KYAT3: variants seen among roughly 807,000 people sequenced by gnomAD.
The protein encoded by KYAT3 is kynurenine aminotransferase 3.
In KYAT3, 50 loss-of-function variants were observed where a neutral mutation model predicts 59.0. The observed-to-expected ratio is 0.85, with a 90% CI of 0.68 to 1.07. KYAT3 has a LOEUF of 1.07. KYAT3 is among the 50% of genes least tolerant of loss of function. The pLI is 0.00. For missense variants in KYAT3, 497 were observed against 533.3 expected, an observed-to-expected ratio of 0.93 and a Z score of 0.67; for synonymous variants, 148 against 177.0, an observed-to-expected ratio of 0.84 and a Z score of 1.30.
intron 1 of KYAT3, among the ~76,000 whole-genome samples, chr1:88,992,113 G>A (rs1677837858): frequency 6.6e-6 from 1 of 151,898 alleles, no homozygotes; most frequent in Non-Finnish European, 1.5e-5. Context: ...CGAGTAGCTG[G>A]GACTACAGGC....
chr1:88,954,161 G>C (rs1034535592), intron 9 of KYAT3, among the ~76,000 whole-genome samples: 2 of 152,058 alleles, frequency 1.3e-5, no homozygotes, highest in Non-Finnish European at 2.9e-5. Flanking sequence ...GCCTCCCAAA[G>C]TGCTGGGATT....
chr1:88,952,853 T>C (rs1419228607), intron 10 of KYAT3, among the ~76,000 whole-genome samples: 1 of 152,184 alleles, frequency 6.6e-6, no homozygotes, highest in African/African-American at 2.4e-5. Flanking sequence ...CTGCCAGCAA[T>C]GTTTAACACA....
At chr1:88,991,339 A>C (rs1677782936) in intron 1 of KYAT3, among the ~76,000 whole-genome samples, 1 of 152,240 alleles carries the variant, frequency 6.6e-6, no homozygotes, top group South Asian at 2.1e-4. Flanking sequence ...AAGAGATTTA[A>C]TTTGACAAAG....
At chr1:88,942,235 C>T (rs1675260329) in intron 13 of KYAT3, among the ~76,000 whole-genome samples, 2 of 151,310 alleles carry the variant, frequency 1.3e-5, no homozygotes, top group South Asian at 4.2e-4. Context: ...AGATATTAGA[C>T]TTTTAAGTTC....
chr1:88,942,837 C>G (rs915126809), intron 13 of KYAT3, among the ~76,000 whole-genome samples, 168 bp downstream of exon 13: 1 of 152,104 alleles, frequency 6.6e-6, no homozygotes, highest in African/African-American at 2.4e-5. Flanking sequence ...GCTGCGATTA[C>G]AGGCATGAGC....
Position 88,981,436 on chromosome 1 carries a change from C to T in KYAT3, c.99+6816G>A, listed in dbSNP as rs576863892. 2.8e-3 allele frequency: 430 copies of T among 152,964 alleles called. 3 individuals are homozygous for T. The highest frequency in any genetic ancestry group is 3.9e-3 in the Non-Finnish European group (264 of 68,222). The allele number at this position is 152,964 out of a possible 1,614,324, so 9.5% of individuals were successfully genotyped here. On this transcript the variant is annotated intron_variant, in intron 2 of 13. Coordinates refer to ENST00000260508, the MANE Select transcript of KYAT3 (RefSeq NM_001008661.3). ...AAGGACCACGAGAACCTCCTGACTA[C>T]CTCCACTTACCAATTTCCTTAATTA... is the stretch of plus-strand genomic sequence containing the variant.
intron 2 of KYAT3, among the ~76,000 whole-genome samples, chr1:88,975,451 CCA>C (rs1420224425): frequency 4.6e-5 from 7 of 152,092 alleles, no homozygotes; most frequent in Non-Finnish European, 8.8e-5. Context: ...GCGCCCAGCC[CCA>C]CATTTCAGTG....
rs1423978741 is a variant in KYAT3, at chr1:88,961,373, T to C, written c.666+8A>G. 1 of 1,613,870 alleles carries C rather than the reference T, an allele frequency of 6.2e-7. No individual in the cohort carries two copies. Among genetic ancestry groups the C allele is most frequent in the Admixed American group, 1.7e-5 (1 of 60,024 alleles). The stretch of plus-strand genomic sequence containing the variant: ...AGAAGACTGTATAAGGAGATGAGAC[T>C]TGCTTACCTTGCCAAGTGGGTTATG... On this transcript the variant is annotated splice_region_variant and intron_variant, in intron 7 of 13. Coordinates refer to ENST00000260508, the MANE Select transcript of KYAT3 (RefSeq NM_001008661.3).
chr1:88,965,307 T>A (rs1370571793), intron 4 of KYAT3, among the ~76,000 whole-genome samples: 2 of 152,056 alleles, frequency 1.3e-5, no homozygotes. Flanking sequence ...TTGAAAAGAG[T>A]TGGATTTGTT....
At chr1:88,971,021 G>A (rs1183625485) in intron 2 of KYAT3, among the ~76,000 whole-genome samples, 1 of 152,136 alleles carries the variant, frequency 6.6e-6, no homozygotes, top group African/African-American at 2.4e-5. Flanking sequence ...TTACCCACCT[G>A]AACATGATGC....
intron 8 of KYAT3, 71 bp downstream of exon 8, chr1:88,961,096 T>C: frequency 6.5e-7 from 1 of 1,539,740 alleles, no homozygotes; most frequent in Non-Finnish European, 8.9e-7. Context: ...TGGTCTGGGA[T>C]GCTTTCCAAT....
chr1:88,984,048 G>A, intron 2 of KYAT3: 1 of 456,902 alleles, frequency 2.2e-6, no homozygotes, highest in Non-Finnish European at 4.2e-6. Context: ...AGATGGCAGA[G>A]GAAAACAACA....
chr1:88,953,556 A>C (rs1158168098), intron 9 of KYAT3, among the ~76,000 whole-genome samples: 1 of 151,874 alleles, frequency 6.6e-6, no homozygotes, highest in Non-Finnish European at 1.5e-5. Context: ...AAAAAAAAAA[A>C]AAAAAAAAAA....
chr1:88,944,503 GGTTAAGCAT>G (rs1252207624), intron 11 of KYAT3, among the ~76,000 whole-genome samples: 1 of 152,104 alleles, frequency 6.6e-6, no homozygotes, highest in Non-Finnish European at 1.5e-5. Flanking sequence ...ACTTCTTATT[GGTTAAGCAT>G]GTTACATGAT....
chr1:88,935,908 C>T lies in KYAT3; in HGVS notation c.*275G>A. 1 of 417,568 alleles carries T rather than the reference C, an allele frequency of 2.4e-6. No homozygotes were observed. Among genetic ancestry groups the T allele is most frequent in the Non-Finnish European group, 4.3e-6 (1 of 235,116 alleles). The allele number at this position is 417,568 out of a possible 1,614,324, so 25.9% of individuals were successfully genotyped here. A position where few individuals can be genotyped will look rare whatever the true frequency, so the allele number is the denominator to read the frequency against. On this transcript the variant is annotated 3_prime_UTR_variant, in exon 14 of 14. Coordinates refer to ENST00000260508, the MANE Select transcript of KYAT3 (RefSeq NM_001008661.3). ...ATTTTATAATGAGAGAACCGAGTTA[C>T]TGAGAGGTTAAACATCTCACATTTC...
chr1:88,962,225 G>T, intron 5 of KYAT3, 80 bp from the exon 6 acceptor site: 1 of 1,057,132 alleles, frequency 9.5e-7, no homozygotes. Flanking sequence ...TATGGGCTAG[G>T]CACTGTACTA....
intron 2 of KYAT3, among the ~76,000 whole-genome samples, chr1:88,973,636 T>C (rs1484459893): frequency 2.0e-5 from 3 of 152,172 alleles, no homozygotes; most frequent in African/African-American, 7.2e-5. Context: ...GCAAAACTGC[T>C]AGTGAAATCA....
intron 5 of KYAT3, 48 bp from the exon 6 acceptor site, chr1:88,962,193 GT>G: frequency 7.6e-7 from 1 of 1,311,430 alleles, no homozygotes; most frequent in Non-Finnish European, 1.1e-6. Flanking sequence ...ATTTATTCAT[GT>G]TAATAATACT....
intron 4 of KYAT3, among the ~76,000 whole-genome samples, chr1:88,965,961 A>G (rs1480982847): frequency 6.6e-6 from 1 of 152,228 alleles, no homozygotes; most frequent in East Asian, 1.9e-4. Flanking sequence ...TCTTAGAATG[A>G]TAAGTGTTTG....
Sources: gnomAD v4.1 joint callset for allele counts (sites outside exome capture counted in the v4.1 genomes callset) on GRCh38, gnomAD v4.1.1 for gene constraint, MANE v1.5 for transcripts, NCBI Gene and HGNC (gene_info 2026-07-23, HGNC 2026-07-21) for gene names.